The following ZNF454 variants were observed in gnomAD, a reference collection of about 807,000 sequenced individuals.
The protein encoded by ZNF454 is zinc finger protein 454.
ZNF454 carries 30 observed loss-of-function variants against 48.2 expected under a neutral mutation model. That is an observed-to-expected ratio of 0.62 (90% CI 0.47 to 0.84). The LOEUF (loss-of-function observed/expected upper bound fraction) is 0.84. ZNF454 is among the 40% of genes least tolerant of loss of function. The probability of loss-of-function intolerance (pLI) is 0.00; values close to 1 mark genes in which losing one functional copy is unlikely to be tolerated. For synonymous variants in ZNF454, 204 were observed against 211.4 expected (o/e 0.97, Z 0.30); for missense variants, 510 against 623.1 (o/e 0.82, Z 1.93).
the ZNF454 span, chr5:178,985,700 C>CA: frequency 2.0e-5 from 5 of 248,048 alleles, no homozygotes; most frequent in East Asian, 1.1e-4. Flanking sequence ...GAGACTCTGT[C>CA]TAAAAAAAAA....
chr5:178,970,952 G>A (rs1246108339), downstream of ZNF454, among the ~76,000 whole-genome samples: 1 of 152,180 alleles, frequency 6.6e-6, no homozygotes, highest in Non-Finnish European at 1.5e-5. Context: ...AAAGCAGCGT[G>A]TTCATGCTGT....
In ZNF454 at chr5:178,954,263, G is replaced by T. The variant is rs757667737; in HGVS notation, c.250+7277G>T. Among the ~76,000 whole-genome samples, 87 of 151,932 alleles carry T rather than the reference G, an allele frequency of 5.7e-4. 1 individual carries two copies. Among genetic ancestry groups the T allele is most frequent in the Non-Finnish European group, 1.6e-4 (11 of 67,972 alleles). ...GAGTGCCAGGCTGGACAACAGCTGGGCAACAGAGTGAAACTGTGTCTTAAA... is the reference window on the plus strand; with the variant it reads ...GAGTGCCAGGCTGGACAACAGCTGGTCAACAGAGTGAAACTGTGTCTTAAA... On this transcript the variant is annotated intron_variant, in intron 4 of 4. Coordinates refer to ENST00000519564, the MANE Select transcript of ZNF454 (RefSeq NM_001178089.3).
At position 178,964,655 on chromosome 5, in the gene ZNF454, A is replaced by G; in HGVS notation, c.251A>G (p.Asp84Gly). Residue 84 changes from aspartate (D) to glycine (G), a missense_variant and splice_region_variant, in exon 5 of 5, where the codon GAC becomes GGC. Transcript: ENST00000519564. ...PEDTPGGFCLDWMTMPASKKS... is the reference protein window; with the variant it reads ...PEDTPGGFCLGWMTMPASKKS... ...CATTTTTATTTTTAATGTCTTTCAG[A>G]CTGGATGACTATGCCTGCCAGTAAG... 6.2e-7 allele frequency: 1 copy of G among 1,610,424 alleles called. No individual in the cohort carries two copies. The highest frequency in any genetic ancestry group is 1.1e-5 in the South Asian group (1 of 91,002).
intron 4 of ZNF454, among the ~76,000 whole-genome samples, chr5:178,958,465 A>G (rs1759868242): frequency 6.6e-6 from 1 of 152,140 alleles, no homozygotes; most frequent in African/African-American, 2.4e-5. Flanking sequence ...CGCCATATAA[A>G]CCTGTCATTA....
intron 4 of ZNF454, among the ~76,000 whole-genome samples, chr5:178,957,448 C>T (rs1759820637): frequency 6.6e-6 from 1 of 151,322 alleles, no homozygotes; most frequent in Non-Finnish European, 1.5e-5. Context: ...CTTACTCAGT[C>T]GCCCAGGCTG....
At chr5:178,962,778 G>A (rs1760041432) in intron 4 of ZNF454, among the ~76,000 whole-genome samples, 1 of 151,746 alleles carries the variant, frequency 6.6e-6, no homozygotes, top group African/African-American at 2.4e-5. Context: ...ATGTGAAGGA[G>A]AGCAGAGGCT....
rs899486669 is a variant in ZNF454 at position 178,965,691 on chromosome 5, A to G, written c.1287A>G (p.Gln429=). Residue 429 remains glutamine (Q), a synonymous_variant, in exon 5 of 5, where the codon CAA becomes CAG. Coordinates refer to ENST00000519564, the MANE Select transcript of ZNF454 (RefSeq NM_001178089.3). This position sits in a 1 kb window ranked among gnomAD's most constrained non-coding sequence, Gnocchi z 5.2. Reference sequence around the variant, plus strand: ...TTCGGGACCAATCAGCACTAGCCCAACATCAGAGAATTCATACTGGGGAAA... The same window carrying G: ...TTCGGGACCAATCAGCACTAGCCCAGCATCAGAGAATTCATACTGGGGAAA... ...KAFRDQSALA[Q]HQRIHTGEKP... 3 of 1,614,236 alleles carry G rather than the reference A, an allele frequency of 1.9e-6. No individual in the cohort carries two copies. The highest frequency in any genetic ancestry group is 2.5e-6 in the Non-Finnish European group (3 of 1,180,046).
In ZNF454 at chr5:178,946,317, A is replaced by G. The variant is rs1759330444; in HGVS notation, c.34-42A>G. ...GTCTCTTTTCCAGAGAACCATGTGCAGGGGTAGCCCCTGGTCAAGGAGAAT... is the reference window on the plus strand; with the variant it reads ...GTCTCTTTTCCAGAGAACCATGTGCGGGGGTAGCCCCTGGTCAAGGAGAAT... On this transcript the variant is annotated intron_variant, in intron 2 of 4. Transcript: ENST00000519564. The surrounding 1 kb of genome is among the most constrained non-coding windows in gnomAD (Gnocchi z 4.5). 1 of 1,606,434 alleles carries G rather than the reference A, an allele frequency of 6.2e-7. No homozygotes were observed. The highest frequency in any genetic ancestry group is 8.5e-7 in the Non-Finnish European group (1 of 1,177,686).
chr5:178,961,633 C>A (rs1042459013), intron 4 of ZNF454, among the ~76,000 whole-genome samples: 1 of 151,116 alleles, frequency 6.6e-6, no homozygotes, highest in East Asian at 2.1e-4. Flanking sequence ...CTGGGCAACA[C>A]GGTGAAACCC....
chr5:178,978,979 C>G, the ZNF454 span: 1 of 152,196 alleles, frequency 6.6e-6, no homozygotes, highest in Non-Finnish European at 1.5e-5. Context: ...AGGCTAGGTG[C>G]GATGGCTCAC....
chr5:178,983,141 G>A, the ZNF454 span: 23 of 1,613,730 alleles, frequency 1.4e-5, no homozygotes, highest in Admixed American at 3.3e-5. Context: ...TGGCCTGCTC[G>A]GGGTCCACCG....
the ZNF454 span, chr5:178,978,278 T>G: frequency 1.3e-5 from 2 of 152,250 alleles, no homozygotes; most frequent in African/African-American, 2.4e-5. Context: ...TGAAGAAGTT[T>G]TATGAAACAA....
the ZNF454 span, chr5:178,989,429 G>C: frequency 3.7e-6 from 6 of 1,613,716 alleles, no homozygotes; most frequent in Middle Eastern, 1.7e-4. Context: ...AGAAGGGGGA[G>C]GGTGGCGCTG....
At chr5:178,968,364 T>G (rs1760197240), downstream of ZNF454, among the ~76,000 whole-genome samples, 1 of 152,114 alleles carries the variant, frequency 6.6e-6, no homozygotes, top group Non-Finnish European at 1.5e-5. Context: ...GAGGATATTC[T>G]ATATCATGGT....
chr5:178,976,179 T>G, the ZNF454 span: 7 of 440,182 alleles, frequency 1.6e-5, no homozygotes, highest in Non-Finnish European at 3.2e-5. Flanking sequence ...AAGCCTGTAC[T>G]GGATTGCCCT....
the ZNF454 span, chr5:178,985,562 G>A: frequency 1.8e-5 from 6 of 338,958 alleles, no homozygotes; most frequent in African/African-American, 6.5e-5. Flanking sequence ...AATTAGCCGG[G>A]CGTGGTGGCG....
At chr5:178,984,434 T>G in the ZNF454 span, among the ~76,000 whole-genome samples, 1 of 152,212 alleles carries the variant, frequency 6.6e-6, no homozygotes, top group Non-Finnish European at 1.5e-5. Flanking sequence ...AGATGCCATT[T>G]TGCAGCCCGT....
chr5:178,975,137 G>A, the ZNF454 span, among the ~76,000 whole-genome samples: 2 of 152,126 alleles, frequency 1.3e-5, no homozygotes, highest in Non-Finnish European at 2.9e-5. Context: ...GCAAAACTCC[G>A]TCTCTACTAA....
intron 4 of ZNF454, among the ~76,000 whole-genome samples, chr5:178,948,502 G>A (rs920291818): frequency 2.0e-5 from 3 of 152,164 alleles, no homozygotes; most frequent in Non-Finnish European, 2.9e-5. Flanking sequence ...CCTTGAGAGA[G>A]GAGTATGGAG....
Sources: gnomAD v4.1 joint callset for allele counts (sites outside exome capture counted in the v4.1 genomes callset) on GRCh38, gnomAD v4.1.1 for gene constraint, Gnocchi (gnomAD v3.1) non-coding constraint, MANE v1.5 for transcripts, NCBI Gene and HGNC (gene_info 2026-07-23, HGNC 2026-07-21) for gene names.